DPY19L3: variants seen among roughly 807,000 people sequenced by gnomAD.
DPY19L3 encodes the protein protein C-mannosyl-transferase DPY19L3.
DPY19L3 carries 51 observed loss-of-function variants against 92.3 expected under a neutral mutation model. The ratio of observed to expected loss-of-function variants is 0.55; its 90% confidence interval spans 0.44 to 0.70. The LOEUF is 0.70. DPY19L3 is among the 30% of genes least tolerant of loss of function. The pLI is 0.00. For synonymous variants in DPY19L3, 309 were observed against 315.2 expected (o/e 0.98, Z 0.21); for missense variants, 706 against 855.9 (o/e 0.82, Z 2.18).
intron 8 of DPY19L3, among the ~76,000 whole-genome samples, chr19:32,442,312 G>C (rs1377650105): frequency 6.6e-6 from 1 of 152,106 alleles, no homozygotes; most frequent in East Asian, 1.9e-4. Flanking sequence ...ATTATAAAGT[G>C]TATACTTTTG....
At chr19:32,450,617 A>G (rs1249901621) in intron 8 of DPY19L3, among the ~76,000 whole-genome samples, 1 of 152,196 alleles carries the variant, frequency 6.6e-6, no homozygotes, top group Non-Finnish European at 1.5e-5. Context: ...GAAGATAGCT[A>G]AAAAGACTGC....
At chr19:32,475,396 C>T (rs1410763233) in intron 16 of DPY19L3, among the ~76,000 whole-genome samples, 1 of 152,210 alleles carries the variant, frequency 6.6e-6, no homozygotes, top group Non-Finnish European at 1.5e-5. Flanking sequence ...CCAGACTCAT[C>T]ATGTTCTCTC....
intron 8 of DPY19L3, among the ~76,000 whole-genome samples, chr19:32,445,550 G>T (rs780915591): frequency 1.3e-5 from 2 of 150,646 alleles, no homozygotes; most frequent in African/African-American, 2.4e-5. Flanking sequence ...AACTAATATT[G>T]CCAGCAGTCC....
chr19:32,425,139 A>G (rs1193698235), intron 3 of DPY19L3, among the ~76,000 whole-genome samples: 1 of 152,226 alleles, frequency 6.6e-6, no homozygotes, highest in African/African-American at 2.4e-5. Context: ...AAATATGCAA[A>G]TGAATCTTTT....
At chr19:32,477,069 CT>C (rs1317500580) in intron 16 of DPY19L3, among the ~76,000 whole-genome samples, 4 of 152,080 alleles carry the variant, frequency 2.6e-5, no homozygotes, top group Non-Finnish European at 5.9e-5. Flanking sequence ...CAGTGGCAGT[CT>C]TTTAGGTTAT....
chr19:32,417,944 G>A (rs1026425648), intron 3 of DPY19L3, among the ~76,000 whole-genome samples: 1 of 152,190 alleles, frequency 6.6e-6, no homozygotes, highest in Non-Finnish European at 1.5e-5. Flanking sequence ...TTTTAAAGCA[G>A]TCCACCTAGA....
In DPY19L3 at chr19:32,453,344, T is replaced by C. The variant is rs1359385569; in HGVS notation, c.987+68T>C. 8.9e-6 allele frequency: 13 copies of C among 1,461,880 alleles called. No homozygotes were observed. In the East Asian group the frequency reaches 3.0e-4, roughly 34 times the overall value. The allele number at this position is 1,461,880 out of a possible 1,614,324, so 90.6% of individuals were successfully genotyped here. On this transcript the variant is annotated intron_variant, in intron 9 of 18. Transcript: ENST00000392250. Reference sequence around the variant, plus strand: ...TAATTGCGTGGTTTATTGAACCTTATTTTCACACAGCATACAAAGGGAAAT... The same window carrying C: ...TAATTGCGTGGTTTATTGAACCTTACTTTCACACAGCATACAAAGGGAAAT...
At chr19:32,421,091 T>C (rs1434216646) in intron 3 of DPY19L3, among the ~76,000 whole-genome samples, 1 of 152,228 alleles carries the variant, frequency 6.6e-6, no homozygotes, top group Non-Finnish European at 1.5e-5. Context: ...ATTTCATATT[T>C]TTGAAGTTTT....
intron 2 of DPY19L3, among the ~76,000 whole-genome samples, chr19:32,408,925 T>C (rs1164801461): frequency 1.3e-5 from 2 of 152,178 alleles, no homozygotes; most frequent in African/African-American, 4.8e-5. Flanking sequence ...CCTGAGTAGC[T>C]TTTGTAACTA....
At position 32,482,246 on chromosome 19, in the gene DPY19L3, AT is replaced by A; in HGVS notation, c.*9del. 1 of 1,606,314 alleles carries A rather than the reference AT, an allele frequency of 6.2e-7. No homozygotes were observed. The highest frequency in any genetic ancestry group is 1.7e-4 in the Middle Eastern group (1 of 6,024). On this transcript the variant is annotated 3_prime_UTR_variant, in exon 19 of 19. Coordinates refer to ENST00000392250, the MANE Select transcript of DPY19L3 (RefSeq NM_001172774.2). ...AGCTGTCCAGAAACAAGTAGCGCAGATTTCTGCCCAGTGTCTATTTTTGATA... is the reference window on the plus strand; with the variant it reads ...AGCTGTCCAGAAACAAGTAGCGCAGATTCTGCCCAGTGTCTATTTTTGATA...
chr19:32,425,944 C>A (rs192995360), intron 3 of DPY19L3, among the ~76,000 whole-genome samples: 1 of 152,316 alleles, frequency 6.6e-6, no homozygotes, highest in East Asian at 1.9e-4. Flanking sequence ...TGAAGTCAGG[C>A]ATTGACTTCT....
intron 3 of DPY19L3, among the ~76,000 whole-genome samples, chr19:32,418,776 A>G (rs1968462539): frequency 6.6e-6 from 1 of 152,140 alleles, no homozygotes; most frequent in East Asian, 1.9e-4. Flanking sequence ...TTATTTTTGA[A>G]TACTTTGAAG....
chr19:32,411,241 T>G lies in DPY19L3; in HGVS notation c.106T>G (p.Cys36Gly), dbSNP rs554827609. ...TATCTGTTCCATTTTTCCAAAAGGT[T>G]GTACCAGTAGAAGATTATGGAAGAT... Reference protein sequence around the residue: ...VKLENKLPSGCTSRRLWKILS... With the variant: ...VKLENKLPSGGTSRRLWKILS... The change falls in exon 3 of 19, where the codon TGT becomes GGT. Residue 36 changes from cysteine to glycine, a missense_variant and splice_region_variant. Cys to Gly is a radical substitution (Grantham distance 159). Coordinates refer to ENST00000392250, the MANE Select transcript of DPY19L3 (RefSeq NM_001172774.2). The G allele has an allele frequency of 1.2e-6, 2 of 1,609,586 alleles. No individual in the cohort carries two copies. The highest frequency in any genetic ancestry group is 2.7e-5 in the African/African-American group (2 of 74,790).
intron 1 of DPY19L3, among the ~76,000 whole-genome samples, chr19:32,407,379 T>G (rs529040786): frequency 6.6e-6 from 1 of 151,820 alleles, no homozygotes; most frequent in Non-Finnish European, 1.5e-5. Context: ...TGTGAATTGT[T>G]TTATAGAACA....
rs756864562 is a variant in DPY19L3, at chr19:32,455,010, T to G, written c.1059T>G (p.Cys353Trp). 1 of 1,567,930 alleles carries G rather than the reference T, an allele frequency of 6.4e-7. No individual in the cohort carries two copies. The highest frequency in any genetic ancestry group is 1.2e-5 in the South Asian group (1 of 82,330). ...TGTTACATTTATTTATGGTTTTATG[T>G]TTGACACTTTTTCTCAACAACATAA... The part of the protein sequence containing the change: ...KLLLHLFMVL[C>W]LTLFLNNIIK... The change falls in exon 10 of 19, where the codon TGT becomes TGG. Residue 353 changes from cysteine to tryptophan, a missense_variant. Physicochemically the swap from Cys to Trp is radical, Grantham distance 215. Coordinates refer to ENST00000392250, the MANE Select transcript of DPY19L3 (RefSeq NM_001172774.2).
intron 4 of DPY19L3, among the ~76,000 whole-genome samples, chr19:32,434,607 C>T (rs544815195): frequency 3.3e-5 from 5 of 152,206 alleles, no homozygotes; most frequent in South Asian, 2.1e-4. Flanking sequence ...TGCGGTGAGC[C>T]GAGATCACGC....
At chr19:32,473,892 C>T (rs988303276) in intron 16 of DPY19L3, among the ~76,000 whole-genome samples, 1 of 152,164 alleles carries the variant, frequency 6.6e-6, no homozygotes, top group South Asian at 2.1e-4. Flanking sequence ...CAACCTTCAC[C>T]TCGTGGGTTC....
intron 5 of DPY19L3, among the ~76,000 whole-genome samples, chr19:32,436,989 T>C (rs185818201): frequency 3.6e-4 from 54 of 151,478 alleles, no homozygotes; most frequent in African/African-American, 1.3e-3. Flanking sequence ...GCCAGACCTG[T>C]CACGGACTTC....
intron 3 of DPY19L3, among the ~76,000 whole-genome samples, chr19:32,415,181 C>T (rs1568324102): frequency 6.6e-6 from 1 of 152,204 alleles, no homozygotes; most frequent in Non-Finnish European, 1.5e-5. Flanking sequence ...CAGACAATTA[C>T]AGGACATCCC....
Sources: allele counts gnomAD v4.1 joint callset (sites outside exome capture counted in the v4.1 genomes callset), GRCh38; gene constraint gnomAD v4.1.1; transcripts MANE v1.5; gene names NCBI Gene and HGNC (gene_info 2026-07-23, HGNC 2026-07-21).